The following PCSK5 variants were observed in gnomAD, a reference collection of about 807,000 sequenced individuals.
The protein encoded by PCSK5 is proprotein convertase subtilisin/kexin type 5, also known as prohormone convertase 5.
In PCSK5, 129 loss-of-function variants were observed where a neutral mutation model predicts 233.2. That is an observed-to-expected ratio of 0.55 (90% CI 0.48 to 0.64). The LOEUF is 0.64. Ranked by LOEUF, PCSK5 falls within the 30% of genes least tolerant of loss-of-function variation. The pLI is 0.00. For missense variants in PCSK5, 2,076 were observed against 2,430.1 expected (o/e 0.85, Z 3.06); for synonymous variants, 825 against 879.2 (o/e 0.94, Z 1.09).
intron 27 of PCSK5, among the ~76,000 whole-genome samples, chr9:76,300,039 A>G (rs926161885): frequency 6.6e-5 from 10 of 152,368 alleles, no homozygotes; most frequent in South Asian, 4.1e-4. Flanking sequence ...GAACACAGAC[A>G]TGGTGAATTA....
intron 8 of PCSK5, among the ~76,000 whole-genome samples, chr9:76,103,589 C>A (rs1831852992): frequency 6.6e-6 from 1 of 152,136 alleles, no homozygotes; most frequent in South Asian, 2.1e-4. Flanking sequence ...AGTGATGGTT[C>A]ATCTTAGTGG....
rs370568940 is a variant in PCSK5 at position 76,189,498 on chromosome 9, A to G, written c.2511-133A>G. 95 of 670,102 alleles carry G rather than the reference A, an allele frequency of 1.4e-4. 1 individual carries two copies. Among genetic ancestry groups the G allele is most frequent in the African/African-American group, 1.3e-3 (74 of 55,580 alleles). 41.5% of individuals were successfully genotyped at this position (670,102 alleles called of 1,614,324 possible). On this transcript the variant is annotated intron_variant, in intron 19 of 37. Transcript: ENST00000674117. ...TCTACCTGTGTCACCTAACCTAGCA[A>G]TTGTTGTGAGGAAAGATTTTTGAGT...
At chr9:76,202,482 T>A (rs571301915) in intron 20 of PCSK5, among the ~76,000 whole-genome samples, 1 of 152,348 alleles carries the variant, frequency 6.6e-6, no homozygotes, top group African/African-American at 2.4e-5. Flanking sequence ...AAACTGAAAT[T>A]CCTTTCCACG....
chr9:76,264,925 G>T (rs1483770803), intron 24 of PCSK5, among the ~76,000 whole-genome samples: 1 of 151,948 alleles, frequency 6.6e-6, no homozygotes, highest in Admixed American at 6.6e-5. Context: ...CAAAAGAAAA[G>T]AAATCCTTCT....
intron 1 of PCSK5, among the ~76,000 whole-genome samples, chr9:75,908,724 A>G (rs1822522758): frequency 6.6e-6 from 1 of 152,166 alleles, no homozygotes; most frequent in Non-Finnish European, 1.5e-5. Context: ...CTCAAATGAA[A>G]CTTCCTATGG....
Position 76,013,541 on chromosome 9 carries a change from T to TCG in PCSK5, c.412-10197_412-10196insCG, listed in dbSNP as rs577247695. 4.3e-4 allele frequency among the ~76,000 whole-genome samples: 66 copies of TCG among 152,346 alleles called. No homozygotes were observed. The East Asian group carries it at 0.01, about 23-fold the overall frequency. On this transcript the variant is annotated intron_variant, in intron 3 of 37. Coordinates refer to ENST00000674117, the MANE Select transcript of PCSK5 (RefSeq NM_001372043.1). The stretch of plus-strand genomic sequence containing the variant: ...GCCTTCAGTAAAAATTTGTGAGAAC[T>TCG]TGAAATGTGATAGGACTTGGAGAGT...
At chr9:75,976,362 C>T (rs1033085733) in intron 2 of PCSK5, among the ~76,000 whole-genome samples, 2 of 151,090 alleles carry the variant, frequency 1.3e-5, no homozygotes, top group African/African-American at 2.4e-5. Flanking sequence ...TTTACATAAA[C>T]TAAGTTCTTT....
At chr9:76,263,232 G>T (rs1339980358) in intron 24 of PCSK5, among the ~76,000 whole-genome samples, 6 of 152,158 alleles carry the variant, frequency 3.9e-5, no homozygotes, top group Non-Finnish European at 7.4e-5. Flanking sequence ...ATTCCTCAGG[G>T]ATCTAGAACT....
chr9:76,174,618 CTT>C (rs1419778337), intron 13 of PCSK5, among the ~76,000 whole-genome samples: 1 of 152,048 alleles, frequency 6.6e-6, no homozygotes, highest in African/African-American at 2.4e-5. Flanking sequence ...CCATATAAGA[CTT>C]TTTATACCTA....
chr9:76,193,390 A>G (rs1824509770), intron 20 of PCSK5: 2 of 1,381,258 alleles, frequency 1.4e-6, no homozygotes, highest in Non-Finnish European at 2.0e-6. Flanking sequence ...GTAGACTTAT[A>G]GATTATTCCA....
chr9:76,100,145 G>A (rs1831695729), intron 8 of PCSK5, among the ~76,000 whole-genome samples: 1 of 152,156 alleles, frequency 6.6e-6, no homozygotes, highest in Admixed American at 6.5e-5. Flanking sequence ...TCATGCTTTA[G>A]TAGATTTGGA....
intron 10 of PCSK5, among the ~76,000 whole-genome samples, chr9:76,150,372 A>C (rs955235074): frequency 1.3e-5 from 2 of 152,202 alleles, no homozygotes; most frequent in African/African-American, 4.8e-5. Context: ...AGTGGCTCAC[A>C]CCTGTAATCC....
rs192904576 is a variant in PCSK5, at chr9:76,007,787, C to T, written c.412-15951C>T. 8.6e-3 allele frequency among the ~76,000 whole-genome samples: 920 copies of T among 107,066 alleles called. 12 individuals are homozygous for T. The highest frequency in any genetic ancestry group is 0.029 in the African/African-American group (816 of 28,118). 70.2% of individuals were successfully genotyped at this position (107,066 alleles called of 152,430 possible). On this transcript the variant is annotated intron_variant, in intron 3 of 37. Transcript: ENST00000674117. ...GACCACAGGCGCCTGTCACCATGCCCGGCTAATTTTGTGTGTGTGTGTGTG... is the reference window on the plus strand; with the variant it reads ...GACCACAGGCGCCTGTCACCATGCCTGGCTAATTTTGTGTGTGTGTGTGTG...
intron 2 of PCSK5, among the ~76,000 whole-genome samples, chr9:75,956,395 G>A (rs1431475074): frequency 6.6e-6 from 1 of 152,148 alleles, no homozygotes; most frequent in Admixed American, 6.5e-5. Context: ...CACAGGGCAG[G>A]TCAACTACTA....
intron 24 of PCSK5, among the ~76,000 whole-genome samples, chr9:76,275,652 T>C (rs1315834559): frequency 6.6e-6 from 1 of 152,200 alleles, no homozygotes; most frequent in African/African-American, 2.4e-5. Context: ...CTCAAACTCC[T>C]GATCTCAAGT....
At chr9:76,031,452 C>A (rs1012894850) in intron 5 of PCSK5, among the ~76,000 whole-genome samples, 5 of 152,158 alleles carry the variant, frequency 3.3e-5, no homozygotes, top group Non-Finnish European at 5.9e-5. Flanking sequence ...CTTTGGGAGG[C>A]CAAGGCTGGA....
chr9:76,158,933 T>G, intron 11 of PCSK5, 50 bp from the exon 12 acceptor site: 9 of 1,502,716 alleles, frequency 6.0e-6, no homozygotes, highest in Non-Finnish European at 6.4e-6. Flanking sequence ...TTCACTCACC[T>G]GAGCTCTGTG....
At chr9:76,260,126 C>CTTA in intron 24 of PCSK5, among the ~76,000 whole-genome samples, 1 of 152,212 alleles carries the variant, frequency 6.6e-6, no homozygotes. Context: ...CCTGGCTCAG[C>CTTA]TGTAAGAGGC....
At chr9:76,083,532 CTG>C (rs1211559316) in intron 7 of PCSK5, among the ~76,000 whole-genome samples, 3 of 152,186 alleles carry the variant, frequency 2.0e-5, no homozygotes, top group Non-Finnish European at 2.9e-5. Context: ...TCTGTTGAAA[CTG>C]TGTATCTCAT....
Sources: allele counts gnomAD v4.1 joint callset (sites outside exome capture counted in the v4.1 genomes callset), GRCh38; gene constraint gnomAD v4.1.1; transcripts MANE v1.5; gene names NCBI Gene and HGNC (gene_info 2026-07-23, HGNC 2026-07-21).